The following KPNA2 variants were observed in gnomAD, a reference collection of about 807,000 sequenced individuals.
The protein encoded by KPNA2 is karyopherin subunit alpha 2.
Under a neutral mutation model 53.7 loss-of-function variants are expected in KPNA2, and 20 were observed. The ratio of observed to expected loss-of-function variants is 0.37; its 90% CI spans 0.26 to 0.54. KPNA2 has a LOEUF of 0.54. Among genes scored for constraint, KPNA2 ranks in the 20% least tolerant of loss-of-function variants. The pLI is 0.83. For synonymous variants in KPNA2, 238 were observed against 227.5 expected (o/e 1.05, Z -0.42); for missense variants, 515 against 640.3 (o/e 0.80, Z 2.11).
At position 68,037,180 on chromosome 17, in the gene KPNA2, A is replaced by G; in HGVS notation, c.48A>G (p.Arg16=). 1 of 1,613,468 alleles carries G rather than the reference A, an allele frequency of 6.2e-7. No homozygotes were observed. Among genetic ancestry groups the G allele is most frequent in the African/African-American group, 1.3e-5 (1 of 74,938 alleles). The part of the protein sequence containing the change: ...NANTPAARLH[R]FKNKGKDSTE... ...ATACACCAGCTGCCCGTCTTCACAG[A>G]TTCAAGAACAAGGGAAAAGACAGTA... The change falls in exon 2 of 11, where the codon AGA becomes AGG. Residue 16 remains arginine (R), a synonymous_variant. Transcript: ENST00000330459.
At chr17:68,037,595 G>A (rs549482532) in intron 3 of KPNA2, 100 bp downstream of exon 3, 12 of 1,130,610 alleles carry the variant, frequency 1.1e-5, no homozygotes, top group Middle Eastern at 2.1e-4. Context: ...TAGTCTTAAC[G>A]GTTTTAACTA....
At chr17:68,037,276 T>G (rs1599137749) in intron 2 of KPNA2, 69 bp downstream of exon 2, 1 of 1,579,378 alleles carries the variant, frequency 6.3e-7, no homozygotes, top group East Asian at 2.2e-5. Context: ...GGGTGAAAAC[T>G]GAGGTATTTA....
At chr17:68,040,060 T>C (rs1216454569) in intron 3 of KPNA2, among the ~76,000 whole-genome samples, 2 of 151,358 alleles carry the variant, frequency 1.3e-5, no homozygotes, top group Admixed American at 6.6e-5. Context: ...AGCCTGGGGA[T>C]TGAGTGAAAC....
intron 10 of KPNA2, 129 bp from the exon 11 acceptor site, chr17:68,046,375 C>A (rs1249124728): frequency 1.2e-5 from 7 of 599,718 alleles, no homozygotes; most frequent in Non-Finnish European, 2.0e-5. Context: ...ATGTCAAATA[C>A]TATAATATCA....
At chr17:68,045,647 C>A in intron 9 of KPNA2, 125 bp from the exon 10 acceptor site, 2 of 692,586 alleles carry the variant, frequency 2.9e-6, no homozygotes, top group East Asian at 2.5e-5. Flanking sequence ...CTATGATAGG[C>A]TTGATGAAGG....
At chr17:68,046,471 C>T (rs782696206) in intron 10 of KPNA2, 33 bp from the exon 11 acceptor site, 53 of 1,383,756 alleles carry the variant, frequency 3.8e-5, no homozygotes, top group Non-Finnish European at 4.9e-5. Flanking sequence ...ATACTTATAT[C>T]ATTTTTATAC....
Position 68,043,205 on chromosome 17 carries a change from C to G in KPNA2, c.772C>G (p.Arg258Gly). The G allele has an allele frequency of 1.2e-6, 2 of 1,614,098 alleles. No individual in the cohort carries two copies. The highest frequency in any genetic ancestry group is 1.7e-6 in the Non-Finnish European group (2 of 1,180,000). The change falls in exon 7 of 11, where the codon CGG (arginine) becomes GGG (glycine). Residue 258 changes from arginine (R) to glycine (G), a missense_variant. Arg to Gly is a moderately radical substitution (Grantham distance 125). Transcript: ENST00000330459. ...TGAGCAGATTCTTCCTACCTTAGTT[C>G]GGCTCCTGCATCATGATGATCCAGA... ...AVEQILPTLV[R>G]LLHHDDPEVL...
At chr17:68,040,818 A>C in intron 4 of KPNA2, 52 bp downstream of exon 4, 4 of 919,160 alleles carry the variant, frequency 4.4e-6, no homozygotes, top group Non-Finnish European at 6.7e-6. Flanking sequence ...GTGTTTTTAG[A>C]TTTTTTTTTG....
Position 68,035,737 on chromosome 17 carries a change from A to G in KPNA2, c.-127A>G, listed in dbSNP as rs1414718833. On this transcript the variant is annotated 5_prime_UTR_variant, in exon 1 of 11. Transcript: ENST00000330459. ...CGCGCCGGCCGGCTGCACGAGCCAC[A>G]CGGTCTTTGAGCTGAGTCGAGGTGG... 2.0e-5 allele frequency: 3 copies of G among 151,928 alleles called. No homozygotes were observed. The highest frequency in any genetic ancestry group is 7.3e-5 in the African/African-American group (3 of 41,296). The allele number at this position is 151,928 out of a possible 1,614,324, so 9.4% of individuals were successfully genotyped here. A position where few individuals can be genotyped will look rare whatever the true frequency, so the allele number is the denominator to read the frequency against.
chr17:68,038,541 A>G (rs1555704089), intron 3 of KPNA2, among the ~76,000 whole-genome samples: 1 of 151,966 alleles, frequency 6.6e-6, no homozygotes, highest in Non-Finnish European at 1.5e-5. Flanking sequence ...GCCATATACT[A>G]TTTTCCTGAA....
intron 7 of KPNA2, 24 bp downstream of exon 7, chr17:68,043,387 G>C: frequency 1.2e-6 from 2 of 1,610,156 alleles, no homozygotes; most frequent in Non-Finnish European, 1.7e-6. Flanking sequence ...TTGTAGATTA[G>C]GACATAAGTA....
rs149166885 is a variant in KPNA2, at chr17:68,045,726, A to G, written c.1348-46A>G. The G allele has an allele frequency of 6.4e-4, 891 of 1,399,168 alleles. 12 individuals are homozygous for G. The African/African-American group carries it at 0.011, about 18-fold the overall frequency. The allele number at this position is 1,399,168 out of a possible 1,614,324, so 86.7% of individuals were successfully genotyped here. ...TTATTGATGTTTTCTTCATTAAAAT[A>G]AAACCAGAGTATATGCCAGTAAACT... is the stretch of plus-strand genomic sequence containing the variant. On this transcript the variant is annotated intron_variant, in intron 9 of 10. Coordinates refer to ENST00000330459, the MANE Select transcript of KPNA2 (RefSeq NM_002266.4).
At chr17:68,043,576 C>T (rs1379919297) in intron 7 of KPNA2, among the ~76,000 whole-genome samples, 1 of 151,450 alleles carries the variant, frequency 6.6e-6, no homozygotes, top group Non-Finnish European at 1.5e-5. Context: ...CATGGTGGCA[C>T]GTGTCTGTAA....
chr17:68,044,056 C>T lies in KPNA2; in HGVS notation c.1149C>T (p.Val383=), dbSNP rs2071298728. The change falls in exon 8 of 11, where the codon GTC becomes GTT. Residue 383 remains valine, a synonymous_variant. Coordinates refer to ENST00000330459, the MANE Select transcript of KPNA2 (RefSeq NM_002266.4). ...ATCATGGATTAGTCCCATTCCTTGT[C>T]AGTGTTCTCTCTAAGGTAACGAAGT... ...VVNHGLVPFL[V]SVLSKADFKT... 4.3e-6 allele frequency: 7 copies of T among 1,611,936 alleles called. No individual in the cohort carries two copies. Among genetic ancestry groups the T allele is most frequent in the Non-Finnish European group, 5.1e-6 (6 of 1,178,048 alleles).
rs148678134 is a variant in KPNA2 at position 68,039,764 on chromosome 17, G to A, written c.214-914G>A. ...CATTGCACTCCAGCCTGGGCAAGAA[G>A]AGCAAAACTCTGTCTCCAAAAAAAA... On this transcript the variant is annotated intron_variant, in intron 3 of 10. Coordinates refer to ENST00000330459, the MANE Select transcript of KPNA2 (RefSeq NM_002266.4). Among the ~76,000 whole-genome samples the A allele has an allele frequency of 4.0e-3, 600 of 148,918 alleles. 1 individual carries two copies. The highest frequency in any genetic ancestry group is 0.013 in the African/African-American group (536 of 40,386).
At position 68,043,116 on chromosome 17, in the gene KPNA2, A is replaced by C. The variant is rs1425643867; in HGVS notation, c.683A>C (p.Asn228Thr). The change falls in exon 7 of 11, where the codon AAT becomes ACT. Residue 228 changes from asparagine to threonine, a missense_variant. Physicochemically the swap from Asn to Thr is moderately conservative, Grantham distance 65 (BLOSUM62 0). Coordinates refer to ENST00000330459, the MANE Select transcript of KPNA2 (RefSeq NM_002266.4). ...MSSLACGYLR[N>T]LTWTLSNLCR... Reference sequence around the variant, plus strand: ...TTCCCCCAGTGTGGCTACTTACGTAATCTTACCTGGACACTTTCTAATCTT... The same window carrying C: ...TTCCCCCAGTGTGGCTACTTACGTACTCTTACCTGGACACTTTCTAATCTT... 23 of 1,613,964 alleles carry C rather than the reference A, an allele frequency of 1.4e-5. No individual in the cohort carries two copies. The highest frequency in any genetic ancestry group is 1.9e-5 in the Non-Finnish European group (22 of 1,180,008).
Position 68,044,001 on chromosome 17 carries a change from G to A in KPNA2, c.1094G>A (p.Gly365Asp). 6.2e-7 allele frequency: 1 copy of A among 1,613,952 alleles called. No homozygotes were observed. The highest frequency in any genetic ancestry group is 8.5e-7 in the Non-Finnish European group (1 of 1,179,888). Residue 365 changes from glycine (G) to aspartate (D), a missense_variant, in exon 8 of 11, where the codon GGC becomes GAC. By Grantham distance (94) the Gly-to-Asp change is moderately conservative (BLOSUM62 -1). Coordinates refer to ENST00000330459, the MANE Select transcript of KPNA2 (RefSeq NM_002266.4). ...TGGACAATGTCAAACATCACAGCCG[G>A]CCGCCAGGACCAGATACAGCAAGTT... is the stretch of plus-strand genomic sequence containing the variant. ...ATWTMSNITAGRQDQIQQVVN... is the reference protein window; with the variant it reads ...ATWTMSNITADRQDQIQQVVN...
Position 68,046,681 on chromosome 17 carries a change from T to C in KPNA2, c.*85T>C. 1.1e-6 allele frequency: 1 copy of C among 872,576 alleles called. No individual in the cohort carries two copies. Among genetic ancestry groups the C allele is most frequent in the Non-Finnish European group, 1.9e-6 (1 of 526,578 alleles). The allele number at this position is 872,576 out of a possible 1,614,324, so 54.1% of individuals were successfully genotyped here. On this transcript the variant is annotated 3_prime_UTR_variant, in exon 11 of 11. Transcript: ENST00000330459. Reference sequence around the variant, plus strand: ...TCTCTACTAAGAACTCTTTCTTAAATGTGGTTTGTTACTGTAGCACTTTTT... The same window carrying C: ...TCTCTACTAAGAACTCTTTCTTAAACGTGGTTTGTTACTGTAGCACTTTTT...
chr17:68,041,968 T>C, intron 4 of KPNA2, 117 bp from the exon 5 acceptor site: 1 of 827,742 alleles, frequency 1.2e-6, no homozygotes, highest in South Asian at 1.8e-5. Flanking sequence ...ATTTAGTGAT[T>C]TACTTAAAAG....
Sources: gnomAD v4.1 joint callset for allele counts (sites outside exome capture counted in the v4.1 genomes callset) on GRCh38, gnomAD v4.1.1 for gene constraint, MANE v1.5 for transcripts, NCBI Gene and HGNC (gene_info 2026-07-23, HGNC 2026-07-21) for gene names.